USP33: variants seen among roughly 807,000 people sequenced by gnomAD.
The protein encoded by USP33 is ubiquitin carboxyl-terminal hydrolase 33.
In USP33, 46 loss-of-function variants were observed where a neutral mutation model predicts 124.2. The observed-to-expected ratio is 0.37, with a 90% confidence interval of 0.29 to 0.47. The LOEUF (loss-of-function observed/expected upper bound fraction) is 0.47. USP33 is among the 20% of genes least tolerant of loss of function. The probability of loss-of-function intolerance (pLI) is 0.99; values close to 1 mark genes in which losing one functional copy is unlikely to be tolerated. For missense variants in USP33, 851 were observed against 1,070.6 expected, an observed-to-expected ratio of 0.79 and a Z score of 2.86; for synonymous variants, 350 against 352.3, an observed-to-expected ratio of 0.99 and a Z score of 0.07.
In USP33 at chr1:77,741,386, G is replaced by C; in HGVS notation, c.125C>G (p.Ala42Gly). Reference sequence around the variant, plus strand: ...AAAACATATACACACCTCCAGACATGCCCAAAGATTTGGTCCTTGGACTTT... The same window carrying C: ...AAAACATATACACACCTCCAGACATCCCCAAAGATTTGGTCCTTGGACTTT... ...DCKVQGPNLW[A>G]CLENRCSYVG... is the part of the protein sequence containing the mutation. Residue 42 changes from alanine (A) to glycine (G), a missense_variant, in exon 3 of 24, where the codon GCA becomes GGA. Around this residue, in one of 4 missense-constraint regions of USP33, gnomAD observed 221 missense variants for 302.9 expected, o/e 0.73. Coordinates refer to ENST00000370794, the MANE Select transcript of USP33 (RefSeq NM_201624.3). 6.2e-7 allele frequency: 1 copy of C among 1,608,218 alleles called. No individual in the cohort carries two copies. The highest frequency in any genetic ancestry group is 8.5e-7 in the Non-Finnish European group (1 of 1,178,634).
At chr1:77,751,847 C>A (rs1680368050) in intron 1 of USP33, among the ~76,000 whole-genome samples, 1 of 151,890 alleles carries the variant, frequency 6.6e-6, no homozygotes. Flanking sequence ...CGCCATCACA[C>A]CCAGCTAATT....
Position 77,723,510 on chromosome 1 carries a change from T to A in USP33, c.1277-67A>T, listed in dbSNP as rs941736844. On this transcript the variant is annotated intron_variant, in intron 11 of 23. Coordinates refer to ENST00000370794, the MANE Select transcript of USP33 (RefSeq NM_201624.3). Reference sequence around the variant, plus strand: ...TTAACATTTTTCTCTGGAATCTTTTTTTGTCTTGTCAATCTTACTTGTATA... The same window carrying A: ...TTAACATTTTTCTCTGGAATCTTTTATTGTCTTGTCAATCTTACTTGTATA... 8 of 1,082,106 alleles carry A rather than the reference T, an allele frequency of 7.4e-6. No homozygotes were observed. In the African/African-American group the frequency reaches 9.6e-5, roughly 13 times the overall value. 67.0% of individuals were successfully genotyped at this position (1,082,106 alleles called of 1,614,324 possible).
chr1:77,707,067 A>T (rs772581263), intron 21 of USP33, among the ~76,000 whole-genome samples: 1 of 152,226 alleles, frequency 6.6e-6, no homozygotes, highest in South Asian at 2.1e-4. Context: ...CCCAGTTATA[A>T]AGGGTAAATA....
Position 77,697,153 on chromosome 1 carries a change from A to G in USP33, c.*164T>C. 1.6e-6 allele frequency: 1 copy of G among 627,706 alleles called. No homozygotes were observed. 38.9% of individuals were successfully genotyped at this position (627,706 alleles called of 1,614,324 possible). A position where few individuals can be genotyped will look rare whatever the true frequency, so the allele number is the denominator to read the frequency against. ...AATATACCAACCTGTGGTATATTAC[A>G]CATTTTAATATATTCTTCCATAATG... On this transcript the variant is annotated 3_prime_UTR_variant, in exon 24 of 24. Coordinates refer to ENST00000370794, the MANE Select transcript of USP33 (RefSeq NM_201624.3).
chr1:77,733,867 G>A (rs1157377359), intron 7 of USP33, among the ~76,000 whole-genome samples: 1 of 152,076 alleles, frequency 6.6e-6, no homozygotes, highest in African/African-American at 2.4e-5. Context: ...CAAAGTCATT[G>A]ATTTCTGAAT....
chr1:77,744,063 G>T (rs1173701917), intron 1 of USP33, among the ~76,000 whole-genome samples: 1 of 151,426 alleles, frequency 6.6e-6, no homozygotes, highest in East Asian at 1.9e-4. Context: ...GGCAGAGGTT[G>T]CAGTGAGCTG....
Position 77,697,147 on chromosome 1 carries a change from T to C in USP33, c.*170A>G. On this transcript the variant is annotated 3_prime_UTR_variant, in exon 24 of 24. Coordinates refer to ENST00000370794, the MANE Select transcript of USP33 (RefSeq NM_201624.3). ...AAACTAAATATACCAACCTGTGGTA[T>C]ATTACACATTTTAATATATTCTTCC... 2 of 597,722 alleles carry C rather than the reference T, an allele frequency of 3.3e-6. No individual in the cohort carries two copies. Among genetic ancestry groups the C allele is most frequent in the Non-Finnish European group, 5.6e-6 (2 of 356,776 alleles). The allele number at this position is 597,722 out of a possible 1,614,324, so 37.0% of individuals were successfully genotyped here. A position where few individuals can be genotyped will look rare whatever the true frequency, so the allele number is the denominator to read the frequency against.
chr1:77,732,109 TAAA>T (rs77932938), intron 7 of USP33, among the ~76,000 whole-genome samples: 1 of 128,996 alleles, frequency 7.8e-6, no homozygotes, highest in Non-Finnish European at 1.7e-5. Context: ...GTCTCTAACT[TAAA>T]AAAAAAAAAA....
At chr1:77,741,770 C>CA in intron 1 of USP33, 22 bp from the exon 2 acceptor site, 4 of 1,500,218 alleles carry the variant, frequency 2.7e-6, no homozygotes, top group Admixed American at 2.4e-5. Flanking sequence ...GTAACACACA[C>CA]AAAAAAATTA....
At chr1:77,709,556 T>C (rs1675003123) in intron 21 of USP33, among the ~76,000 whole-genome samples, 1 of 150,792 alleles carries the variant, frequency 6.6e-6, no homozygotes, top group Non-Finnish European at 1.5e-5. Flanking sequence ...TAGATACATA[T>C]CTATATATCT....
intron 5 of USP33, among the ~76,000 whole-genome samples, chr1:77,736,699 T>C (rs1024753560): frequency 2.6e-5 from 4 of 152,106 alleles, no homozygotes. Context: ...AACCTCCACC[T>C]CCTGGGTTCA....
chr1:77,697,286 T>C lies in USP33; in HGVS notation c.*31A>G, dbSNP rs1016588654. ...TACATGTCAGGGCACATGAAAATGA[T>C]TCCTCATTAGAACTCTCTACATCCT... On this transcript the variant is annotated 3_prime_UTR_variant, in exon 24 of 24. Coordinates refer to ENST00000370794, the MANE Select transcript of USP33 (RefSeq NM_201624.3). 4.5e-6 allele frequency: 7 copies of C among 1,550,752 alleles called. No individual in the cohort carries two copies. The highest frequency in any genetic ancestry group is 1.4e-5 in the African/African-American group (1 of 72,430).
At chr1:77,720,675 T>A (rs1676469764) in intron 15 of USP33, 1 of 920,734 alleles carries the variant, frequency 1.1e-6, no homozygotes, top group Non-Finnish European at 1.3e-6. Context: ...TTTTTCTGAC[T>A]TACCACTAAG....
At chr1:77,723,551 T>C in intron 11 of USP33, 108 bp from the exon 12 acceptor site, 1 of 685,606 alleles carries the variant, frequency 1.5e-6, no homozygotes, top group Non-Finnish European at 2.4e-6. Flanking sequence ...TCTAGAATCC[T>C]TAAACTGTAA....
intron 21 of USP33, among the ~76,000 whole-genome samples, chr1:77,705,191 T>C (rs1306259502): frequency 6.6e-6 from 1 of 151,850 alleles, no homozygotes; most frequent in Non-Finnish European, 1.5e-5. Flanking sequence ...GTTTGCACTT[T>C]TTATTTTTTA....
chr1:77,740,861 T>C lies in USP33; in HGVS notation c.198+16A>G. 6.5e-7 allele frequency: 1 copy of C among 1,545,700 alleles called. No homozygotes were observed. The highest frequency in any genetic ancestry group is 8.8e-7 in the Non-Finnish European group (1 of 1,141,756). On this transcript the variant is annotated intron_variant, in intron 4 of 23. Transcript: ENST00000370794. ...TTTTTTTAACAAGTCTTCCATTAAA[T>C]TTTTTATATACATACCTGAGAATGT... is the stretch of plus-strand genomic sequence containing the variant.
In USP33 at chr1:77,714,620, G is replaced by T; in HGVS notation, c.2209C>A (p.His737Asn). Reference sequence around the variant, plus strand: ...GCATTACAGGAGTTCTTACCTCCATGAATACAAAGAAAGTCATTATTTGAA... The same window carrying T: ...GCATTACAGGAGTTCTTACCTCCATTAATACAAAGAAAGTCATTATTTGAA... Reference protein sequence around the residue: ...PISNNDFLCIHGGVPPRKAGY... With the variant: ...PISNNDFLCINGGVPPRKAGY... The change falls in exon 19 of 24, where the codon CAT becomes AAT. Residue 737 changes from histidine (H) to asparagine (N), a missense_variant. This residue lies in a region of USP33 where 281 missense variants were observed against 425.0 expected (regional missense o/e 0.66). Coordinates refer to ENST00000370794, the MANE Select transcript of USP33 (RefSeq NM_201624.3). 6.2e-7 allele frequency: 1 copy of T among 1,612,284 alleles called. No individual in the cohort carries two copies. Among genetic ancestry groups the T allele is most frequent in the Non-Finnish European group, 8.5e-7 (1 of 1,179,690 alleles).
At chr1:77,703,968 C>T (rs2101189537) in intron 21 of USP33, among the ~76,000 whole-genome samples, 1 of 152,042 alleles carries the variant, frequency 6.6e-6, no homozygotes, top group Admixed American at 6.6e-5. Context: ...GCAAAATTAA[C>T]TGGGTATGGT....
At chr1:77,751,102 G>A (rs866433276) in intron 1 of USP33, among the ~76,000 whole-genome samples, 7 of 152,218 alleles carry the variant, frequency 4.6e-5, no homozygotes, top group Non-Finnish European at 7.3e-5. Flanking sequence ...TAAGACTCCT[G>A]TAGAAGCTTG....
Sources: allele counts gnomAD v4.1 joint callset (sites outside exome capture counted in the v4.1 genomes callset), GRCh38; gene constraint gnomAD v4.1.1; regional missense constraint gnomAD v4.1.1; transcripts MANE v1.5; gene names NCBI Gene and HGNC (gene_info 2026-07-23, HGNC 2026-07-21).